The following ANGPT1 variants were observed in gnomAD, a reference collection of about 807,000 sequenced individuals.
ANGPT1 encodes the protein angiopoietin-1.
A neutral mutation model predicts 62.2 loss-of-function variants in ANGPT1; 17 were observed. The ratio of observed to expected loss-of-function variants is 0.27; its 90% CI spans 0.19 to 0.41. ANGPT1 has a LOEUF of 0.41. ANGPT1 is among the 10% of genes least tolerant of loss of function. ANGPT1 has a pLI of 1.00. For missense variants in ANGPT1, 478 were observed against 594.9 expected, an observed-to-expected ratio of 0.80 and a Z score of 2.04; for synonymous variants, 199 against 198.9, an observed-to-expected ratio of 1.00 and a Z score of 0.00.
chr8:107,272,553 G>T (rs1396534552), intron 7 of ANGPT1, among the ~76,000 whole-genome samples: 1 of 151,812 alleles, frequency 6.6e-6, no homozygotes, highest in East Asian at 1.9e-4. Flanking sequence ...AGTAATTTTT[G>T]TTTCAAAACT....
intron 1 of ANGPT1, among the ~76,000 whole-genome samples, chr8:107,431,465 C>A (rs1475419013): frequency 1.3e-5 from 2 of 152,204 alleles, no homozygotes; most frequent in African/African-American, 4.8e-5. Flanking sequence ...CATCTTTACT[C>A]TGGCTCTCTT....
intron 1 of ANGPT1, among the ~76,000 whole-genome samples, chr8:107,419,989 T>C (rs1399632927): frequency 6.6e-6 from 1 of 152,182 alleles, no homozygotes; most frequent in African/African-American, 2.4e-5. Flanking sequence ...ATTTTACAGA[T>C]AAAGAGGAAT....
chr8:107,361,508 A>ACC (rs57939569), intron 1 of ANGPT1, among the ~76,000 whole-genome samples: 4 of 146,144 alleles, frequency 2.7e-5, no homozygotes, highest in Non-Finnish European at 3.0e-5. Context: ...CTATATCTAT[A>ACC]TCTATAGAAT....
chr8:107,308,297 A>C (rs1232378190), intron 4 of ANGPT1, among the ~76,000 whole-genome samples: 3 of 152,192 alleles, frequency 2.0e-5, no homozygotes, highest in African/African-American at 7.2e-5. Context: ...AATTTATTGG[A>C]TCATGTAACT....
At chr8:107,482,372 G>T (rs1002859005) in intron 1 of ANGPT1, among the ~76,000 whole-genome samples, 1 of 152,110 alleles carries the variant, frequency 6.6e-6, no homozygotes, top group African/African-American at 2.4e-5. Flanking sequence ...AGCTTTGAAG[G>T]CTCATTTGCT....
At chr8:107,477,405 A>G (rs1812561476) in intron 1 of ANGPT1, among the ~76,000 whole-genome samples, 1 of 152,196 alleles carries the variant, frequency 6.6e-6, no homozygotes, top group Admixed American at 6.6e-5. Flanking sequence ...ATTGTGAAAG[A>G]TGAGACTGGA....
At chr8:107,267,855 C>T (rs1306260816) in intron 7 of ANGPT1, among the ~76,000 whole-genome samples, 1 of 151,896 alleles carries the variant, frequency 6.6e-6, no homozygotes, top group Admixed American at 6.6e-5. Context: ...TACCCACTCA[C>T]TTATTCCCTC....
At chr8:107,496,271 C>G (rs1294961953) in intron 1 of ANGPT1, among the ~76,000 whole-genome samples, 1 of 152,104 alleles carries the variant, frequency 6.6e-6, no homozygotes, top group Non-Finnish European at 1.5e-5. Context: ...TACTTATTCT[C>G]GGCTGCCTAT....
chr8:107,263,163 G>A (rs774771110), intron 8 of ANGPT1, among the ~76,000 whole-genome samples: 2 of 151,832 alleles, frequency 1.3e-5, no homozygotes, highest in Non-Finnish European at 2.9e-5. Context: ...AGACCAGCCT[G>A]GCCAACATGG....
chr8:107,276,081 G>A (rs147247775), intron 7 of ANGPT1, among the ~76,000 whole-genome samples: 11 of 152,222 alleles, frequency 7.2e-5, no homozygotes, highest in South Asian at 2.1e-4. Flanking sequence ...GTGCTCATCC[G>A]TGCCTCTGAA....
Position 107,347,083 on chromosome 8 carries a change from A to C in ANGPT1, c.312T>G (p.Ile104Met), listed in dbSNP as rs2130160005. Residue 104 changes from isoleucine to methionine, a missense_variant, in exon 2 of 9, where the codon ATT becomes ATG. Physicochemically the swap from Ile to Met is conservative, Grantham distance 10 (BLOSUM62 1). This residue lies in a region of ANGPT1 where 343 missense variants were observed against 355.4 expected (regional missense o/e 0.97). Transcript: ENST00000517746. ...CCATCTCCGACTTCATGTTTTCCAC[A>C]ATGTAATTCTCAAGCTGCAAGAGAT... ...TQWLQKLENYIVENMKSEMAQ... is the reference protein window; with the variant it reads ...TQWLQKLENYMVENMKSEMAQ... 1 of 1,613,102 alleles carries C rather than the reference A, an allele frequency of 6.2e-7. No individual in the cohort carries two copies. Among genetic ancestry groups the C allele is most frequent in the Middle Eastern group, 1.7e-4 (1 of 6,054 alleles).
At chr8:107,413,821 G>T (rs754099639) in intron 1 of ANGPT1, among the ~76,000 whole-genome samples, 9 of 152,164 alleles carry the variant, frequency 5.9e-5, no homozygotes, top group African/African-American at 9.6e-5. Context: ...GAGCGGGAAA[G>T]AAAATAATTT....
intron 1 of ANGPT1, among the ~76,000 whole-genome samples, chr8:107,388,060 T>G (rs185157802): frequency 1.2e-3 from 186 of 151,862 alleles, no homozygotes; most frequent in African/African-American, 4.0e-3. Flanking sequence ...CAATTTATAA[T>G]GAGATGAAAA....
chr8:107,346,746 G>A (rs1815812123), intron 2 of ANGPT1, among the ~76,000 whole-genome samples, 196 bp downstream of exon 2: 1 of 152,072 alleles, frequency 6.6e-6, no homozygotes, highest in South Asian at 2.1e-4. Context: ...CATATGCAAA[G>A]CTAAATATAC....
intron 8 of ANGPT1, among the ~76,000 whole-genome samples, chr8:107,256,363 C>T (rs1262390783): frequency 6.6e-6 from 1 of 152,200 alleles, no homozygotes; most frequent in African/African-American, 2.4e-5. Context: ...AGTTTGTCCA[C>T]TTTCTACCTT....
At chr8:107,303,754 A>G (rs900147953) in intron 4 of ANGPT1, among the ~76,000 whole-genome samples, 2 of 151,852 alleles carry the variant, frequency 1.3e-5, no homozygotes, top group Admixed American at 6.6e-5. Context: ...ATTTCACAGG[A>G]AAGTCTAAAA....
chr8:107,479,703 C>T (rs1812625732), intron 1 of ANGPT1, among the ~76,000 whole-genome samples: 1 of 152,064 alleles, frequency 6.6e-6, no homozygotes, highest in African/African-American at 2.4e-5. Context: ...CTCAAAAATC[C>T]AAATTCCCAG....
intron 3 of ANGPT1, among the ~76,000 whole-genome samples, chr8:107,327,383 C>T (rs17368821): frequency 0.12 from 18,612 of 151,952 alleles, 1,475 homozygotes; most frequent in East Asian, 0.34. Flanking sequence ...CCCCAGTGTC[C>T]TAAAGTTAGA....
At chr8:107,302,421 C>A (rs1814613837) in intron 5 of ANGPT1, among the ~76,000 whole-genome samples, 1 of 151,908 alleles carries the variant, frequency 6.6e-6, no homozygotes, top group African/African-American at 2.4e-5. Flanking sequence ...TGTCTCACCT[C>A]AAAACTTCCC....
Sources: allele counts gnomAD v4.1 joint callset (sites outside exome capture counted in the v4.1 genomes callset), GRCh38; gene constraint gnomAD v4.1.1; regional missense constraint gnomAD v4.1.1; transcripts MANE v1.5; gene names NCBI Gene and HGNC (gene_info 2026-07-23, HGNC 2026-07-21).